NLRP5: variants seen among roughly 807,000 people sequenced by gnomAD.
NLRP5 encodes the protein NLR family pyrin domain containing 5.
NLRP5 carries 93 observed loss-of-function variants against 113.1 expected under a neutral mutation model. That is an observed-to-expected ratio of 0.82 (90% CI 0.70 to 0.98). The LOEUF (loss-of-function observed/expected upper bound fraction) is 0.98. NLRP5 is among the 50% of genes least tolerant of loss of function. The probability of loss-of-function intolerance (pLI) is 0.00; values close to 1 mark genes in which losing one functional copy is unlikely to be tolerated. For missense variants in NLRP5, 1,808 were observed against 1,514.3 expected (o/e 1.19, Z -3.22); for synonymous variants, 751 against 600.7 (o/e 1.25, Z -3.66).
intron 14 of NLRP5, among the ~76,000 whole-genome samples, chr19:56,059,692 G>A (rs139780205): frequency 0.017 from 2,575 of 152,150 alleles, 82 homozygotes; most frequent in African/African-American, 0.059. Flanking sequence ...GTGCCACCAC[G>A]CCCAGCTAAT....
the NLRP5 span, among the ~76,000 whole-genome samples, chr19:55,989,119 C>T: frequency 1.3e-5 from 2 of 152,288 alleles, no homozygotes; most frequent in African/African-American, 2.4e-5. Flanking sequence ...TCAGTGTTCA[C>T]GTGTACCTAG....
intron 6 of NLRP5, among the ~76,000 whole-genome samples, chr19:56,025,012 C>G (rs777453005): frequency 1.3e-4 from 19 of 150,236 alleles, no homozygotes; most frequent in Admixed American, 4.0e-4. Context: ...AGCATGAGCC[C>G]TATTGTGAAC....
intron 10 of NLRP5, among the ~76,000 whole-genome samples, chr19:56,040,594 A>C (rs1342797998): frequency 6.6e-6 from 1 of 152,188 alleles, no homozygotes; most frequent in Non-Finnish European, 1.5e-5. Flanking sequence ...TAAGAAAATA[A>C]ATAAATTGGA....
intron 12 of NLRP5, among the ~76,000 whole-genome samples, chr19:56,051,397 C>T (rs898111183): frequency 3.3e-5 from 5 of 152,026 alleles, no homozygotes; most frequent in African/African-American, 1.2e-4. Context: ...TTCACCATGT[C>T]GGCCAGGCTG....
At chr19:56,044,701 T>C (rs755581851) in intron 11 of NLRP5, among the ~76,000 whole-genome samples, 13 of 152,278 alleles carry the variant, frequency 8.5e-5, no homozygotes, top group Non-Finnish European at 1.5e-4. Flanking sequence ...TGGCTCTTTT[T>C]TTGGTTCCAT....
chr19:56,009,562 C>T (rs763483326), intron 3 of NLRP5, among the ~76,000 whole-genome samples: 15 of 152,020 alleles, frequency 9.9e-5, no homozygotes, highest in African/African-American at 3.4e-4. Context: ...CACTGCTCTG[C>T]GTATTTACAA....
intron 3 of NLRP5, among the ~76,000 whole-genome samples, chr19:56,009,648 G>A (rs1982104741): frequency 6.6e-6 from 1 of 152,142 alleles, no homozygotes; most frequent in African/African-American, 2.4e-5. Context: ...AAAAAACTAA[G>A]ATGACACAAG....
chr19:55,998,751 C>A (rs1007450254), upstream of NLRP5, among the ~76,000 whole-genome samples: 5 of 52,162 alleles, frequency 9.6e-5, no homozygotes, highest in African/African-American at 2.3e-4. Context: ...TATACACACA[C>A]TTTAGCCTCA....
Position 56,038,048 on chromosome 19 carries a change from A to G in NLRP5, c.2639A>G (p.His880Arg), listed in dbSNP as rs1457804598. 1.2e-6 allele frequency: 2 copies of G among 1,613,994 alleles called. No homozygotes were observed. The highest frequency in any genetic ancestry group is 1.7e-6 in the Non-Finnish European group (2 of 1,179,894). ...AGGCTGGATTGCTGTGGATTGACCC[A>G]TGCCTGTTACCTGAAGATCTCCCAA... The change falls in exon 10 of 15, where the codon CAT (histidine) becomes CGT (arginine). Residue 880 changes from histidine (H) to arginine (R), a missense_variant. Physicochemically the swap from His to Arg is conservative, Grantham distance 29. Coordinates refer to ENST00000390649, the MANE Select transcript of NLRP5 (RefSeq NM_153447.4).
upstream of NLRP5, among the ~76,000 whole-genome samples, chr19:55,999,051 T>G (rs187218119): frequency 6.6e-6 from 1 of 151,950 alleles, no homozygotes. Context: ...AAAACTCATT[T>G]CTCTGACTGA....
At chr19:55,987,648 A>G in the NLRP5 span, among the ~76,000 whole-genome samples, 32 of 152,316 alleles carry the variant, frequency 2.1e-4, no homozygotes, top group Admixed American at 1.4e-3. Flanking sequence ...TTCAAGCCCT[A>G]TAATCTTAAC....
chr19:56,002,933 G>C (rs543437834), intron 1 of NLRP5, among the ~76,000 whole-genome samples: 1 of 151,962 alleles, frequency 6.6e-6, no homozygotes, highest in Admixed American at 6.6e-5. Flanking sequence ...CTAGAATGGC[G>C]ATCATTAAAA....
intron 3 of NLRP5, 113 bp downstream of exon 3, chr19:56,008,966 C>A (rs1274568599): frequency 1.1e-6 from 1 of 876,916 alleles, no homozygotes; most frequent in Non-Finnish European, 1.9e-6. Flanking sequence ...TCTTTCTAGT[C>A]TAACTACCCT....
chr19:56,049,024 C>A (rs1452600504), intron 11 of NLRP5, among the ~76,000 whole-genome samples: 3 of 136,198 alleles, frequency 2.2e-5, no homozygotes, highest in African/African-American at 8.2e-5. Flanking sequence ...CTCTGTCACC[C>A]AGGCTGGAGT....
chr19:56,052,429 C>G (rs1983967244), intron 12 of NLRP5, among the ~76,000 whole-genome samples: 3 of 152,048 alleles, frequency 2.0e-5, no homozygotes, highest in Admixed American at 2.0e-4. Context: ...CCACCATGCC[C>G]AGCTACTTTT....
chr19:55,997,816 T>C (rs1981375520), upstream of NLRP5, among the ~76,000 whole-genome samples: 1 of 151,946 alleles, frequency 6.6e-6, no homozygotes, highest in African/African-American at 2.4e-5. Context: ...TGAGCTGAGA[T>C]TGCACCACTG....
intron 13 of NLRP5, among the ~76,000 whole-genome samples, chr19:56,057,912 A>G (rs994594646): frequency 6.6e-6 from 1 of 151,976 alleles, no homozygotes; most frequent in African/African-American, 2.4e-5. Context: ...CCATAATCCC[A>G]GCTACTCCGG....
At position 56,027,537 on chromosome 19, in the gene NLRP5, A is replaced by C. The variant is rs1161167462; in HGVS notation, c.1304A>C (p.Glu435Ala). The C allele has an allele frequency of 2.5e-6, 4 of 1,613,956 alleles. No homozygotes were observed. Among genetic ancestry groups the C allele is most frequent in the Middle Eastern group, 1.6e-4 (1 of 6,062 alleles). The change falls in exon 7 of 15, where the codon GAA becomes GCA. Residue 435 changes from glutamate (E) to alanine (A), a missense_variant. Transcript: ENST00000390649. ...CTGTTAGTTAGAGGAATCTCCGGGG[A>C]ACAAAGAATCCACTTGCTCCTTGAG...
At chr19:56,024,351 A>C (rs1215035248) in intron 6 of NLRP5, among the ~76,000 whole-genome samples, 2 of 143,506 alleles carry the variant, frequency 1.4e-5, no homozygotes, top group Non-Finnish European at 3.0e-5. Flanking sequence ...AAAAAAAAAA[A>C]AAAAAGAACA....
Sources: allele counts gnomAD v4.1 joint callset (sites outside exome capture counted in the v4.1 genomes callset), GRCh38; gene constraint gnomAD v4.1.1; transcripts MANE v1.5; gene names NCBI Gene and HGNC (gene_info 2026-07-23, HGNC 2026-07-21).